The following GRID1 variants were observed in gnomAD, a reference collection of about 807,000 sequenced individuals.
GRID1 encodes glutamate receptor ionotropic, delta-1.
In GRID1, 28 loss-of-function variants were observed where a neutral mutation model predicts 98.0. That is an observed-to-expected ratio of 0.29 (90% CI 0.21 to 0.39). GRID1 has a LOEUF of 0.39. Ranked by LOEUF, GRID1 falls within the 10% of genes least tolerant of loss-of-function variation. The probability of loss-of-function intolerance (pLI) is 1.00; values close to 1 mark genes in which losing one functional copy is unlikely to be tolerated. For synonymous variants in GRID1, 553 were observed against 538.5 expected (o/e 1.03, Z -0.37); for missense variants, 1,111 against 1,340.5 (o/e 0.83, Z 2.67).
At position 85,724,495 on chromosome 10, in the gene GRID1, G is replaced by A; in HGVS notation, c.1715C>T (p.Ala572Val). ...DFAVWACIAA[A>V]IPVVGVLIFV... is the part of the protein sequence containing the mutation. ...TATCAGCACACCAACCACAGGGATG[G>A]CTGCTGCAATGCAGGCCCACACAGC... is the stretch of plus-strand genomic sequence containing the variant. Residue 572 changes from alanine (A) to valine (V), a missense_variant, in exon 11 of 16, where the codon GCC becomes GTC. By Grantham distance (64) the Ala-to-Val change is moderately conservative (BLOSUM62 0). Around this residue, in one of 3 missense-constraint regions of GRID1, gnomAD observed 762 missense variants for 869.1 expected, o/e 0.88. Transcript: ENST00000327946. The A allele has an allele frequency of 6.2e-7, 1 of 1,614,120 alleles. No homozygotes were observed. Among genetic ancestry groups the A allele is most frequent in the Non-Finnish European group, 8.5e-7 (1 of 1,179,996 alleles).
chr10:85,720,482 A>G lies in GRID1; in HGVS notation c.1997+2521T>C, dbSNP rs144131832. 3.3e-5 allele frequency among the ~76,000 whole-genome samples: 5 copies of G among 152,288 alleles called. 1 individual carries two copies. The East Asian group carries it at 9.7e-4, about 29-fold the overall frequency. On this transcript the variant is annotated intron_variant, in intron 12 of 15. Coordinates refer to ENST00000327946, the MANE Select transcript of GRID1 (RefSeq NM_017551.3). Reference sequence around the variant, plus strand: ...GGTGTTGGCAAAGGGACAATCACATATAACAATGGAACAGAATAGACAATT... The same window carrying G: ...GGTGTTGGCAAAGGGACAATCACATGTAACAATGGAACAGAATAGACAATT...
intron 2 of GRID1, among the ~76,000 whole-genome samples, chr10:86,220,428 G>C (rs2132028861): frequency 6.6e-6 from 1 of 152,320 alleles, no homozygotes; most frequent in Non-Finnish European, 1.5e-5. Flanking sequence ...TGACCTCATG[G>C]AGTAATAATG....
chr10:86,048,810 G>T (rs1843461031), intron 4 of GRID1, among the ~76,000 whole-genome samples: 1 of 152,210 alleles, frequency 6.6e-6, no homozygotes, highest in South Asian at 2.1e-4. Context: ...AACATTATGG[G>T]ACACTGGAGG....
At chr10:85,724,715 A>G in intron 10 of GRID1, 39 bp from the exon 11 acceptor site, 1 of 1,546,016 alleles carries the variant, frequency 6.5e-7, no homozygotes, top group Non-Finnish European at 8.8e-7. Context: ...GGCAGTCCTC[A>G]GCTTACTGCT....
At chr10:85,958,016 C>T (rs1233343588) in intron 4 of GRID1, among the ~76,000 whole-genome samples, 3 of 152,178 alleles carry the variant, frequency 2.0e-5, no homozygotes, top group Non-Finnish European at 4.4e-5. Flanking sequence ...GGGAGATGTG[C>T]CAGCTACTCA....
intron 3 of GRID1, among the ~76,000 whole-genome samples, chr10:86,182,298 C>T (rs939146958): frequency 2.0e-5 from 3 of 152,244 alleles, no homozygotes; most frequent in South Asian, 2.1e-4. Context: ...GGGGCGACTC[C>T]GGGCCACGGA....
intron 4 of GRID1, among the ~76,000 whole-genome samples, chr10:85,982,281 T>C (rs1457027674): frequency 1.3e-5 from 2 of 152,172 alleles, no homozygotes; most frequent in African/African-American, 2.4e-5. Flanking sequence ...ACTATTTGTA[T>C]GTATAGCAAA....
chr10:86,307,632 T>C (rs1589444303), intron 2 of GRID1, among the ~76,000 whole-genome samples: 1 of 152,136 alleles, frequency 6.6e-6, no homozygotes, highest in Non-Finnish European at 1.5e-5. Context: ...AAGATTATAG[T>C]TAATAATAAT....
intron 2 of GRID1, among the ~76,000 whole-genome samples, chr10:86,343,499 A>G (rs1198529854): frequency 2.0e-5 from 3 of 152,266 alleles, no homozygotes; most frequent in Non-Finnish European, 4.4e-5. Context: ...ACACATAGGT[A>G]CCATCGCTCC....
In GRID1 at chr10:85,680,415, C is replaced by T. The variant is rs141745341; in HGVS notation, c.1998-33018G>A. The stretch of plus-strand genomic sequence containing the variant: ...AAGTGCCACATGATCATGGCCAACT[C>T]CTGATGGAAACTCTCATCCATCTGC... On this transcript the variant is annotated intron_variant, in intron 12 of 15. Transcript: ENST00000327946. Among the ~76,000 whole-genome samples the T allele has an allele frequency of 5.5e-3, 842 of 152,332 alleles. 1 individual carries two copies. The highest frequency in any genetic ancestry group is 0.017 in the South Asian group (80 of 4,824).
At chr10:85,888,646 A>G (rs546488296) in intron 5 of GRID1, among the ~76,000 whole-genome samples, 1 of 152,278 alleles carries the variant, frequency 6.6e-6, no homozygotes, top group South Asian at 2.1e-4. Context: ...TAGGTGATGG[A>G]CGTGTTTAGG....
intron 12 of GRID1, among the ~76,000 whole-genome samples, chr10:85,717,772 T>C (rs919383373): frequency 1.3e-5 from 2 of 152,194 alleles, no homozygotes; most frequent in African/African-American, 4.8e-5. Context: ...CTTCCACTCA[T>C]GAGCCTGTAA....
intron 2 of GRID1, among the ~76,000 whole-genome samples, chr10:86,275,164 T>C (rs2132064204): frequency 6.6e-6 from 1 of 152,292 alleles, no homozygotes; most frequent in Middle Eastern, 3.4e-3. Context: ...TGTCAAAACA[T>C]TAGCCAAACA....
intron 12 of GRID1, among the ~76,000 whole-genome samples, chr10:85,656,142 A>G (rs7072722): frequency 0.078 from 11,801 of 152,118 alleles, 659 homozygotes; most frequent in African/African-American, 0.16. Context: ...CTGATCTGAA[A>G]CAACTTTCAT....
chr10:85,967,859 T>A (rs765672873), intron 4 of GRID1, among the ~76,000 whole-genome samples: 4 of 152,194 alleles, frequency 2.6e-5, no homozygotes, highest in Non-Finnish European at 5.9e-5. Context: ...GGTAGTAAGA[T>A]GACATGTTCA....
chr10:86,230,287 G>A (rs1383135267), intron 2 of GRID1, among the ~76,000 whole-genome samples: 1 of 152,040 alleles, frequency 6.6e-6, no homozygotes, highest in African/African-American at 2.4e-5. Flanking sequence ...GGAGGAGAGA[G>A]GCCACCACAG....
In GRID1 at chr10:85,619,994, C is replaced by G. The variant is rs747770345; in HGVS notation, c.2233G>C (p.Val745Leu). ...TCCGTCAGGGCTGCGTATTCCACCACGGCCACATCCCACAGGAAGGCGTAG... is the reference window on the plus strand; with the variant it reads ...TCCGTCAGGGCTGCGTATTCCACCAGGGCCACATCCCACAGGAAGGCGTAG... ...GNYAFLWDVAVVEYAALTDDD... is the reference protein window; with the variant it reads ...GNYAFLWDVALVEYAALTDDD... Residue 745 changes from valine (V) to leucine (L), a missense_variant, in exon 14 of 16, where the codon GTG becomes CTG. By Grantham distance (32) the Val-to-Leu change is conservative. Around this residue, in one of 3 missense-constraint regions of GRID1, gnomAD observed 762 missense variants for 869.1 expected, o/e 0.88. Coordinates refer to ENST00000327946, the MANE Select transcript of GRID1 (RefSeq NM_017551.3). 7 of 1,614,090 alleles carry G rather than the reference C, an allele frequency of 4.3e-6. No homozygotes were observed. The highest frequency in any genetic ancestry group is 5.9e-6 in the Non-Finnish European group (7 of 1,179,934).
At chr10:85,819,938 A>AGAGG (rs1424744859) in intron 8 of GRID1, among the ~76,000 whole-genome samples, 1 of 148,594 alleles carries the variant, frequency 6.7e-6, no homozygotes, top group African/African-American at 2.5e-5. Flanking sequence ...TGAGAGAGAG[A>AGAGG]GAGGGAGGGA....
chr10:85,778,571 GA>G (rs1156283092), intron 8 of GRID1, among the ~76,000 whole-genome samples: 1 of 152,096 alleles, frequency 6.6e-6, no homozygotes, highest in African/African-American at 2.4e-5. Flanking sequence ...ATGGGAAGAG[GA>G]AAAAACAAAA....
Sources: allele counts gnomAD v4.1 joint callset (sites outside exome capture counted in the v4.1 genomes callset), GRCh38; gene constraint gnomAD v4.1.1; regional missense constraint gnomAD v4.1.1; transcripts MANE v1.5; gene names NCBI Gene and HGNC (gene_info 2026-07-23, HGNC 2026-07-21).